The following HBS1L variants were observed in gnomAD, a reference collection of about 807,000 sequenced individuals.
The protein encoded by HBS1L is HBS1 like translational GTPase, also known as HBS1-like protein.
In HBS1L, 55 loss-of-function variants were observed where a neutral mutation model predicts 88.9. The ratio of observed to expected loss-of-function variants is 0.62; its 90% CI spans 0.50 to 0.77. HBS1L has a LOEUF of 0.77. Ranked by LOEUF, HBS1L falls within the 30% of genes least tolerant of loss-of-function variation. HBS1L has a pLI of 0.00. For synonymous variants in HBS1L, 267 were observed against 288.5 expected, an observed-to-expected ratio of 0.93 and a Z score of 0.76; for missense variants, 741 against 829.3, an observed-to-expected ratio of 0.89 and a Z score of 1.31.
chr6:135,031,685 G>A (rs1370192114), intron 4 of HBS1L, among the ~76,000 whole-genome samples: 1 of 151,990 alleles, frequency 6.6e-6, no homozygotes, highest in Non-Finnish European at 1.5e-5. Context: ...GCTGAAGTGT[G>A]CATATATCCT....
intron 15 of HBS1L, among the ~76,000 whole-genome samples, chr6:134,973,257 C>A (rs904553872): frequency 3.3e-5 from 5 of 152,166 alleles, no homozygotes; most frequent in Non-Finnish European, 7.4e-5. Context: ...GAATGTTATT[C>A]AGGCTTAAAA....
chr6:135,039,366 C>T (rs1776655941), intron 4 of HBS1L, among the ~76,000 whole-genome samples: 2 of 151,618 alleles, frequency 1.3e-5, no homozygotes, highest in Non-Finnish European at 2.9e-5. Context: ...GTAAAATAAC[C>T]ACAAAAACAG....
chr6:135,041,816 C>T (rs1776745783), intron 3 of HBS1L, among the ~76,000 whole-genome samples, 185 bp downstream of exon 3: 1 of 152,170 alleles, frequency 6.6e-6, no homozygotes, highest in Admixed American at 6.5e-5. Context: ...ATTTTTCAAT[C>T]ATACAGTTAA....
chr6:134,981,522 T>C (rs911757109), intron 13 of HBS1L, among the ~76,000 whole-genome samples: 1 of 151,860 alleles, frequency 6.6e-6, no homozygotes, highest in Non-Finnish European at 1.5e-5. Context: ...AGCATATGAA[T>C]TCAAGAAAAA....
rs146241019 is a variant in HBS1L, at chr6:135,041,975, A to G, written c.235+26T>C. ...ATTTGGTCATTAATCACTTTCAGAT[A>G]ACAGATACACTACTTTTTGCTATAC... On this transcript the variant is annotated intron_variant, in intron 3 of 17. Coordinates refer to ENST00000367837, the MANE Select transcript of HBS1L (RefSeq NM_006620.4). 3.4e-5 allele frequency: 54 copies of G among 1,607,050 alleles called. No individual in the cohort carries two copies. The African/African-American group carries it at 6.7e-4, about 20-fold the overall frequency.
chr6:135,022,090 C>T (rs1354041023), intron 4 of HBS1L, among the ~76,000 whole-genome samples: 1 of 152,096 alleles, frequency 6.6e-6, no homozygotes, highest in Non-Finnish European at 1.5e-5. Flanking sequence ...TTTATGTCCC[C>T]TATGCCTAGC....
At position 134,997,081 on chromosome 6, in the gene HBS1L, T is replaced by G. The variant is rs965961809; in HGVS notation, c.800-139A>C. 42 of 711,576 alleles carry G rather than the reference T, an allele frequency of 5.9e-5. No homozygotes were observed. The East Asian group carries it at 1.1e-3, about 18-fold the overall frequency. 44.1% of individuals were successfully genotyped at this position (711,576 alleles called of 1,614,324 possible). ...TATTTATCAAATGACAGTTAAAACA[T>G]CTAATAGAAAAAAAAAAGAGCATAT... On this transcript the variant is annotated intron_variant, in intron 6 of 17. Transcript: ENST00000367837.
chr6:134,969,019 C>A (rs557492699), intron 16 of HBS1L, among the ~76,000 whole-genome samples: 2 of 152,192 alleles, frequency 1.3e-5, no homozygotes, highest in Admixed American at 6.5e-5. Context: ...CCTCCACCAC[C>A]ACACATAACA....
chr6:134,983,769 A>C (rs893842132), intron 12 of HBS1L, among the ~76,000 whole-genome samples: 3 of 152,134 alleles, frequency 2.0e-5, no homozygotes, highest in Non-Finnish European at 4.4e-5. Flanking sequence ...GTCAGTTCAA[A>C]AGGAACTTGA....
rs1156560415 is a variant in HBS1L at position 134,961,712 on chromosome 6, C to T, written c.*3567G>A. 1.3e-5 allele frequency: 2 copies of T among 152,170 alleles called. No homozygotes were observed. The highest frequency in any genetic ancestry group is 2.9e-5 in the Non-Finnish European group (2 of 68,030). The allele number at this position is 152,170 out of a possible 1,614,324, so 9.4% of individuals were successfully genotyped here. A position where few individuals can be genotyped will look rare whatever the true frequency, so the allele number is the denominator to read the frequency against. ...TCAATCCAGAAGAAACCCTTGCTCACTTGAGCCCTCCTTAAAATTAGCTAC... is the reference window on the plus strand; with the variant it reads ...TCAATCCAGAAGAAACCCTTGCTCATTTGAGCCCTCCTTAAAATTAGCTAC... On this transcript the variant is annotated 3_prime_UTR_variant, in exon 18 of 18. Transcript: ENST00000367837.
intron 14 of HBS1L, 60 bp downstream of exon 14, chr6:134,979,118 T>G (rs1774740166): frequency 1.7e-6 from 2 of 1,183,552 alleles, no homozygotes; most frequent in Admixed American, 3.6e-5. Context: ...AAAATATATG[T>G]GTTTAGAGGT....
rs542143948 is a variant in HBS1L, at chr6:135,042,196, A to G, written c.110-70T>C. ...CTATTAACTTTTTTTTACAAAAGTT[A>G]AAGTAAAAATTAAAAATTCTAATCA... On this transcript the variant is annotated intron_variant, in intron 2 of 17. Transcript: ENST00000367837. 2.4e-4 allele frequency: 346 copies of G among 1,419,562 alleles called. 1 individual carries two copies. The highest frequency in any genetic ancestry group is 2.2e-4 in the Non-Finnish European group (229 of 1,058,396). 87.9% of individuals were successfully genotyped at this position (1,419,562 alleles called of 1,614,324 possible). A position where few individuals can be genotyped will look rare whatever the true frequency, so the allele number is the denominator to read the frequency against.
intron 4 of HBS1L, among the ~76,000 whole-genome samples, chr6:135,010,258 A>G (rs2114833202): frequency 6.6e-6 from 1 of 152,288 alleles, no homozygotes; most frequent in Admixed American, 6.5e-5. Flanking sequence ...TAGTCATCGG[A>G]TATTTCAGAG....
intron 4 of HBS1L, among the ~76,000 whole-genome samples, chr6:135,006,200 T>G (rs1775606589): frequency 6.6e-6 from 1 of 152,138 alleles, no homozygotes; most frequent in South Asian, 2.1e-4. Context: ...TCTAAGCTAA[T>G]TTTAAAAATA....
chr6:134,995,854 G>C (rs1312360134), intron 7 of HBS1L, among the ~76,000 whole-genome samples: 1 of 152,032 alleles, frequency 6.6e-6, no homozygotes, highest in Admixed American at 6.6e-5. Context: ...AAACCATTAT[G>C]ATACAAATTC....
At chr6:135,037,515 C>T (rs1776593127) in intron 4 of HBS1L, 1 of 1,550,014 alleles carries the variant, frequency 6.5e-7, no homozygotes, top group Non-Finnish European at 8.7e-7. Context: ...CTAAACTGTC[C>T]TGTACTGGAA....
intron 4 of HBS1L, among the ~76,000 whole-genome samples, chr6:135,028,778 A>AG (rs1776307769): frequency 6.6e-6 from 1 of 152,186 alleles, no homozygotes; most frequent in Non-Finnish European, 1.5e-5. Context: ...AATGTTATCT[A>AG]AAGCCTTTGG....
intron 4 of HBS1L, among the ~76,000 whole-genome samples, chr6:135,008,583 A>G (rs1468834346): frequency 6.6e-6 from 1 of 152,198 alleles, no homozygotes; most frequent in Non-Finnish European, 1.5e-5. Context: ...AATAGATTCT[A>G]GGTTTTCTCT....
intron 15 of HBS1L, among the ~76,000 whole-genome samples, chr6:134,969,800 T>C (rs1317027977): frequency 5.3e-5 from 8 of 152,220 alleles, no homozygotes; most frequent in African/African-American, 1.9e-4. Context: ...TAGGCTTTTA[T>C]AGCGTTGTGA....
Sources: gnomAD v4.1 joint callset for allele counts (sites outside exome capture counted in the v4.1 genomes callset) on GRCh38, gnomAD v4.1.1 for gene constraint, MANE v1.5 for transcripts, NCBI Gene and HGNC (gene_info 2026-07-23, HGNC 2026-07-21) for gene names.